SNRK: variants seen among roughly 807,000 people sequenced by gnomAD.
SNRK encodes the protein SNF related kinase, also known as SNF-related serine/threonine-protein kinase.
SNRK carries 3 observed loss-of-function variants against 48.2 expected under a neutral mutation model. That is an observed-to-expected ratio of 0.06 (90% CI 0.03 to 0.16). The LOEUF is 0.16. Ranked by LOEUF, SNRK falls within the 10% of genes least tolerant of loss-of-function variation. The pLI is 1.00. For synonymous variants in SNRK, 376 were observed against 366.1 expected (o/e 1.03, Z -0.31); for missense variants, 627 against 976.0 (o/e 0.64, Z 4.76).
Position 43,348,062 on chromosome 3 carries a change from C to A in SNRK, c.1803C>A (p.Asn601Lys), listed in dbSNP as rs1483220264. ...GGVDKASPSE[N>K]NAGGGSPSSG... ...TGGACAAGGCCAGCCCCAGTGAGAA[C>A]AATGCTGGTGGGGGCAGTCCCTCCA... is the stretch of plus-strand genomic sequence containing the variant. Residue 601 changes from asparagine to lysine, a missense_variant, in exon 7 of 7, where the codon AAC (asparagine) becomes AAA (lysine). Transcript: ENST00000296088. 6.2e-7 allele frequency: 1 copy of A among 1,603,288 alleles called. No individual in the cohort carries two copies. The highest frequency in any genetic ancestry group is 1.3e-5 in the African/African-American group (1 of 74,680).
Position 43,348,013 on chromosome 3 carries a change from A to G in SNRK, c.1754A>G (p.Lys585Arg), listed in dbSNP as rs2091291027. ...GAGGGGGATGGCGGGGGCCAGAGCA[A>G]GCCAAGCAATGCCAGTGGAGGGGTG... is the stretch of plus-strand genomic sequence containing the variant. Reference protein sequence around the residue: ...GSEGDGGGQSKPSNASGGVDK... With the variant: ...GSEGDGGGQSRPSNASGGVDK... Residue 585 changes from lysine to arginine, a missense_variant, in exon 7 of 7, where the codon AAG becomes AGG. Lys to Arg is a conservative substitution (Grantham distance 26, BLOSUM62 2). This residue lies in a region of SNRK where 98 missense variants were observed against 175.2 expected (regional missense o/e 0.56). Coordinates refer to ENST00000296088, the MANE Select transcript of SNRK (RefSeq NM_017719.5). 3 of 1,612,548 alleles carry G rather than the reference A, an allele frequency of 1.9e-6. No homozygotes were observed. The East Asian group carries it at 6.7e-5, about 36-fold the overall frequency.
At chr3:43,287,965 C>T (rs1018536742) in intron 1 of SNRK, among the ~76,000 whole-genome samples, 8 of 152,166 alleles carry the variant, frequency 5.3e-5, no homozygotes, top group African/African-American at 1.9e-4. Context: ...ATGTACTGTA[C>T]AAGTGATGAT....
intron 3 of SNRK, among the ~76,000 whole-genome samples, chr3:43,304,022 G>A (rs957125540): frequency 3.3e-5 from 5 of 152,156 alleles, no homozygotes; most frequent in Non-Finnish European, 7.3e-5. Flanking sequence ...AAATGAGTAA[G>A]TTATCATTTA....
intron 5 of SNRK, among the ~76,000 whole-genome samples, chr3:43,342,326 G>C (rs1200697556): frequency 6.6e-6 from 1 of 151,998 alleles, no homozygotes; most frequent in Non-Finnish European, 1.5e-5. Flanking sequence ...TTGTTCTGAG[G>C]GTGACTCCTG....
chr3:43,334,136 ACT>A (rs1423353541), intron 4 of SNRK, among the ~76,000 whole-genome samples: 2 of 151,498 alleles, frequency 1.3e-5, no homozygotes, highest in East Asian at 3.9e-4. Context: ...ACAGAGTGAG[ACT>A]CTGTCTCAAA....
intron 3 of SNRK, among the ~76,000 whole-genome samples, chr3:43,328,300 AC>A (rs2091111240): frequency 6.7e-6 from 1 of 149,614 alleles, no homozygotes; most frequent in Non-Finnish European, 1.5e-5. Context: ...AGTTTTGTTA[AC>A]ACGGTTTTTT....
intron 3 of SNRK, among the ~76,000 whole-genome samples, chr3:43,323,905 G>A (rs1479914196): frequency 6.6e-6 from 1 of 152,202 alleles, no homozygotes; most frequent in East Asian, 1.9e-4. Context: ...CACAATAGCT[G>A]TGGTTGTCAG....
At chr3:43,329,020 A>G (rs532957152) in intron 3 of SNRK, among the ~76,000 whole-genome samples, 218 of 152,318 alleles carry the variant, frequency 1.4e-3, no homozygotes, top group African/African-American at 3.6e-3. Context: ...CTTTACAAGA[A>G]AGTAGATTAC....
At chr3:43,328,705 A>G (rs149191069) in intron 3 of SNRK, among the ~76,000 whole-genome samples, 5 of 152,262 alleles carry the variant, frequency 3.3e-5, no homozygotes, top group African/African-American at 9.6e-5. Flanking sequence ...CTGAATTACT[A>G]AGAATAAGAA....
rs1257141619 is a variant in SNRK at position 43,348,061 on chromosome 3, A to G, written c.1802A>G (p.Asn601Ser). 1 of 1,603,734 alleles carries G rather than the reference A, an allele frequency of 6.2e-7. No individual in the cohort carries two copies. The highest frequency in any genetic ancestry group is 1.1e-5 in the South Asian group (1 of 89,584). Residue 601 changes from asparagine (N) to serine (S), a missense_variant, in exon 7 of 7, where the codon AAC (asparagine) becomes AGC (serine). Physicochemically the swap from Asn to Ser is conservative, Grantham distance 46 (BLOSUM62 1). This residue lies in a region of SNRK where 207 missense variants were observed against 234.3 expected (regional missense o/e 0.88). Coordinates refer to ENST00000296088, the MANE Select transcript of SNRK (RefSeq NM_017719.5). Reference protein sequence around the residue: ...GGVDKASPSENNAGGGSPSSG... With the variant: ...GGVDKASPSESNAGGGSPSSG... ...GTGGACAAGGCCAGCCCCAGTGAGA[A>G]CAATGCTGGTGGGGGCAGTCCCTCC...
rs1046044229 is a variant in SNRK, at chr3:43,350,685, C to T, written c.*2128C>T. The T allele has an allele frequency of 1.3e-5, 2 of 152,456 alleles. No homozygotes were observed. The highest frequency in any genetic ancestry group is 4.8e-5 in the African/African-American group (2 of 41,366). The allele number at this position is 152,456 out of a possible 1,614,324, so 9.4% of individuals were successfully genotyped here. A position where few individuals can be genotyped will look rare whatever the true frequency, so the allele number is the denominator to read the frequency against. Reference sequence around the variant, plus strand: ...GCATGTTTTGTATGTCATAGTATGTCGTCACATAAAAGGGAGGGAGCGAAA... The same window carrying T: ...GCATGTTTTGTATGTCATAGTATGTTGTCACATAAAAGGGAGGGAGCGAAA... On this transcript the variant is annotated 3_prime_UTR_variant, in exon 7 of 7. Coordinates refer to ENST00000296088, the MANE Select transcript of SNRK (RefSeq NM_017719.5).
intron 3 of SNRK, among the ~76,000 whole-genome samples, chr3:43,326,492 C>T (rs560510114): frequency 1.4e-3 from 217 of 152,094 alleles, no homozygotes; most frequent in African/African-American, 3.6e-3. Context: ...TCAAGGAGCT[C>T]CAAGTATTGG....
rs568446441 is a variant in SNRK at position 43,320,614 on chromosome 3, A to G, written c.590-11555A>G. On this transcript the variant is annotated intron_variant, in intron 3 of 6. Transcript: ENST00000296088. Reference sequence around the variant, plus strand: ...CACCAATCAGTTGATTTACAATGAGACGTATTAAATGTTAGTCAACGCCAA... The same window carrying G: ...CACCAATCAGTTGATTTACAATGAGGCGTATTAAATGTTAGTCAACGCCAA... Among the ~76,000 whole-genome samples, 147 of 152,242 alleles carry G rather than the reference A, an allele frequency of 9.7e-4. 1 individual carries two copies. Among genetic ancestry groups the G allele is most frequent in the South Asian group, 6.4e-3 (31 of 4,830 alleles).
In SNRK at chr3:43,291,641, T is replaced by C. The variant is rs114440901; in HGVS notation, c.-169+4966T>C. Among the ~76,000 whole-genome samples, 509 of 152,366 alleles carry C rather than the reference T, an allele frequency of 3.3e-3. 2 individuals are homozygous for C. The highest frequency in any genetic ancestry group is 5.5e-3 in the Non-Finnish European group (375 of 68,036). On this transcript the variant is annotated intron_variant, in intron 1 of 6. Transcript: ENST00000296088. ...AACTGTCCAAGGTGGTGATTATCTT[T>C]ATTTTATCAAGACATGCCTTTTCAT...
chr3:43,293,198 GCTCCGGTGATCAGC>G (rs1440162644), intron 1 of SNRK, among the ~76,000 whole-genome samples: 2 of 152,062 alleles, frequency 1.3e-5, no homozygotes, highest in Non-Finnish European at 1.5e-5. Flanking sequence ...GGATTCTTGA[GCTCCGGTGATCAGC>G]CTGCCTCAGC....
rs2091282918 is a variant in SNRK, at chr3:43,347,173, C to G, written c.1080-166C>G. ...ATGTTTCAAAACCACATTTGCCCTT[C>G]TGGTGGCCTTGCTGATGTTTACAGG... is the stretch of plus-strand genomic sequence containing the variant. On this transcript the variant is annotated intron_variant, in intron 6 of 6. Transcript: ENST00000296088. This position sits in a 1 kb window ranked among gnomAD's most constrained non-coding sequence, Gnocchi z 5.4. 1 of 641,140 alleles carries G rather than the reference C, an allele frequency of 1.6e-6. No individual in the cohort carries two copies. The highest frequency in any genetic ancestry group is 3.2e-5 in the Admixed American group (1 of 31,200). The allele number at this position is 641,140 out of a possible 1,614,324, so 39.7% of individuals were successfully genotyped here.
chr3:43,319,762 A>G (rs926487101), intron 3 of SNRK, among the ~76,000 whole-genome samples: 1 of 152,224 alleles, frequency 6.6e-6, no homozygotes, highest in African/African-American at 2.4e-5. Flanking sequence ...GATTACATTA[A>G]TTGTGGTCAC....
intron 1 of SNRK, among the ~76,000 whole-genome samples, chr3:43,292,876 TA>T (rs2090823631): frequency 6.6e-6 from 1 of 152,194 alleles, no homozygotes; most frequent in Admixed American, 6.5e-5. Flanking sequence ...TTCTTTTTTT[TA>T]AGTACTGGGA....
intron 3 of SNRK, among the ~76,000 whole-genome samples, chr3:43,307,552 C>G (rs1332237064): frequency 6.6e-6 from 1 of 152,176 alleles, no homozygotes; most frequent in African/African-American, 2.4e-5. Flanking sequence ...TTATGGTGAT[C>G]TGTGATCAGT....
Sources: allele counts gnomAD v4.1 joint callset (sites outside exome capture counted in the v4.1 genomes callset), GRCh38; gene constraint gnomAD v4.1.1; regional missense constraint gnomAD v4.1.1; non-coding constraint Gnocchi (gnomAD v3.1); transcripts MANE v1.5; gene names NCBI Gene and HGNC (gene_info 2026-07-23, HGNC 2026-07-21).